PSEN2: variants seen among roughly 807,000 people sequenced by gnomAD.
The protein encoded by PSEN2 is presenilin-2.
PSEN2 carries 32 observed loss-of-function variants against 49.1 expected under a neutral mutation model. The observed-to-expected ratio is 0.65, with a 90% CI of 0.49 to 0.88. The LOEUF (loss-of-function observed/expected upper bound fraction) is 0.88. PSEN2 is among the 40% of genes least tolerant of loss of function. PSEN2 has a pLI of 0.00. For missense variants in PSEN2, 522 were observed against 586.9 expected, an observed-to-expected ratio of 0.89 and a Z score of 1.14; for synonymous variants, 255 against 244.0, an observed-to-expected ratio of 1.05 and a Z score of -0.42.
intron 1 of PSEN2, chr1:226,871,055 T>A (rs1330226174): frequency 4.6e-5 from 7 of 152,296 alleles, no homozygotes; most frequent in Admixed American, 6.5e-5. Flanking sequence ...CTCTGAGGCG[T>A]GTAGCAGGCG....
intron 6 of PSEN2, among the ~76,000 whole-genome samples, chr1:226,887,499 C>T (rs1459340730): frequency 1.3e-5 from 2 of 152,156 alleles, no homozygotes; most frequent in Non-Finnish European, 2.9e-5. Context: ...TTCACTCTCC[C>T]ATCCTTGGCC....
At position 226,884,002 on chromosome 1, in the gene PSEN2, A is replaced by C. The variant is rs12057618; in HGVS notation, c.356+83A>C. 0.011 allele frequency: 13,637 copies of C among 1,201,230 alleles called. 1,096 individuals are homozygous for C. The African/African-American group carries it at 0.18, about 16-fold the overall frequency. The allele number at this position is 1,201,230 out of a possible 1,614,324, so 74.4% of individuals were successfully genotyped here. A position where few individuals can be genotyped will look rare whatever the true frequency, so the allele number is the denominator to read the frequency against. On this transcript the variant is annotated intron_variant, in intron 5 of 12. Transcript: ENST00000366783. ...GGGGGCGCAGCAGCCTGTGTTGGTC[A>C]CTGTACCTGCAGCTCCACACCAGCA...
chr1:226,896,670 G>A (rs543263322), downstream of PSEN2, among the ~76,000 whole-genome samples: 10 of 152,072 alleles, frequency 6.6e-5, no homozygotes, highest in South Asian at 4.2e-4. Flanking sequence ...GAGACCAGCC[G>A]GGGCAACATA....
At chr1:226,883,565 C>A in intron 4 of PSEN2, 140 bp from the exon 5 acceptor site, 1 of 788,076 alleles carries the variant, frequency 1.3e-6, no homozygotes, top group Non-Finnish European at 2.2e-6. Flanking sequence ...TTTTCATATG[C>A]CCTAGTAGCT....
intron 5 of PSEN2, 54 bp downstream of exon 5, chr1:226,883,973 G>C: frequency 1.7e-6 from 2 of 1,197,646 alleles, no homozygotes; most frequent in Middle Eastern, 6.0e-4. Context: ...GTTGCCAGGG[G>C]GTGGGGGGCG....
chr1:226,883,679 G>C (rs753721866), intron 4 of PSEN2, 26 bp from the exon 5 acceptor site: 2 of 1,608,854 alleles, frequency 1.2e-6, no homozygotes. Context: ...GACATTCTGC[G>C]GCCCTCACGA....
At position 226,895,405 on chromosome 1, in the gene PSEN2, T is replaced by G; in HGVS notation, c.1192-19T>G. On this transcript the variant is annotated intron_variant, in intron 12 of 12. Coordinates refer to ENST00000366783, the MANE Select transcript of PSEN2 (RefSeq NM_000447.3). ...ACACCAGGGATCACCACGCTCACCCTCCCCTCCATGTCCTGCAGGGCTTGT... is the reference window on the plus strand; with the variant it reads ...ACACCAGGGATCACCACGCTCACCCGCCCCTCCATGTCCTGCAGGGCTTGT... 6.2e-7 allele frequency: 1 copy of G among 1,613,708 alleles called. No homozygotes were observed. Among genetic ancestry groups the G allele is most frequent in the Non-Finnish European group, 8.5e-7 (1 of 1,179,860 alleles).
chr1:226,884,064 A>G (rs1001984268), intron 5 of PSEN2, 145 bp downstream of exon 5: 18 of 713,050 alleles, frequency 2.5e-5, no homozygotes, highest in Non-Finnish European at 4.2e-5. Flanking sequence ...GCCCAGGTTC[A>G]TGGCCTGGCT....
In PSEN2 at chr1:226,891,263, T is replaced by A. The variant is rs1383319487; in HGVS notation, c.887-15T>A. On this transcript the variant is annotated splice_polypyrimidine_tract_variant and intron_variant, in intron 9 of 12. Transcript: ENST00000366783. ...TTAGCACCGCCTGAGATGTGAACCT[T>A]TTCTCCTCCCCCAGCTGCCATGGTG... is the stretch of plus-strand genomic sequence containing the variant. The A allele has an allele frequency of 6.2e-7, 1 of 1,612,668 alleles. No individual in the cohort carries two copies. Among genetic ancestry groups the A allele is most frequent in the South Asian group, 1.1e-5 (1 of 90,644 alleles).
At chr1:226,892,954 A>C (rs1661859996) in intron 11 of PSEN2, among the ~76,000 whole-genome samples, 1 of 152,194 alleles carries the variant, frequency 6.6e-6, no homozygotes. Context: ...TGTTTTGGAG[A>C]CAGGGTCTCG....
chr1:226,897,678 C>T (rs192567835), downstream of PSEN2: 16 of 155,314 alleles, frequency 1.0e-4, no homozygotes, highest in African/African-American at 3.6e-4. Context: ...TGTATCTCCC[C>T]CGTGTAACCC....
At chr1:226,888,376 C>T (rs533201718) in intron 7 of PSEN2, among the ~76,000 whole-genome samples, 5 of 152,274 alleles carry the variant, frequency 3.3e-5, no homozygotes, top group East Asian at 1.9e-4. Context: ...GTTTCTGTCT[C>T]GTTCCTGATT....
At chr1:226,888,423 C>A (rs1336353140) in intron 7 of PSEN2, among the ~76,000 whole-genome samples, 2 of 152,286 alleles carry the variant, frequency 1.3e-5, no homozygotes, top group Admixed American at 6.5e-5. Flanking sequence ...TCTCTGTGAA[C>A]CCCAGGGGGA....
At chr1:226,892,631 A>T (rs539061345) in intron 11 of PSEN2, among the ~76,000 whole-genome samples, 1 of 152,284 alleles carries the variant, frequency 6.6e-6, no homozygotes, top group Admixed American at 6.5e-5. Context: ...CTAGGGAAAG[A>T]TCACTCTGCG....
intron 3 of PSEN2, chr1:226,880,421 C>T: frequency 9.0e-7 from 1 of 1,108,822 alleles, no homozygotes; most frequent in Admixed American, 3.1e-5. Flanking sequence ...GGGTGACTTA[C>T]TTGGAGACGA....
At chr1:226,880,378 GAAATAA>G (rs1315810496) in intron 3 of PSEN2, 20 of 650,934 alleles carry the variant, frequency 3.1e-5, no homozygotes, top group African/African-American at 7.4e-5. Context: ...CCTGTCTCTA[GAAATAA>G]AAATAAAAAA....
intron 6 of PSEN2, among the ~76,000 whole-genome samples, chr1:226,887,737 G>T (rs947205675): frequency 6.6e-6 from 1 of 152,166 alleles, no homozygotes; most frequent in African/African-American, 2.4e-5. Context: ...CACAATGCCC[G>T]TGGGCAGAGA....
Position 226,889,029 on chromosome 1 carries a change from T to G in PSEN2, c.767T>G (p.Leu256Arg). The change falls in exon 8 of 13, where the codon CTG becomes CGG. Residue 256 changes from leucine to arginine, a missense_variant. Leu to Arg is a moderately radical substitution (Grantham distance 102). Coordinates refer to ENST00000366783, the MANE Select transcript of PSEN2 (RefSeq NM_000447.3). ...CCAGAGTGGTCCGCGTGGGTCATCC[T>G]GGGCGCCATCTCTGTGTATGGTAGG... ...YLPEWSAWVI[L>R]GAISVYDLVA... 6.2e-7 allele frequency: 1 copy of G among 1,613,980 alleles called. No individual in the cohort carries two copies. The highest frequency in any genetic ancestry group is 8.5e-7 in the Non-Finnish European group (1 of 1,179,962).
At chr1:226,879,600 A>G (rs1437789039) in intron 3 of PSEN2, among the ~76,000 whole-genome samples, 2 of 152,086 alleles carry the variant, frequency 1.3e-5, no homozygotes, top group Admixed American at 6.5e-5. Flanking sequence ...TTCCCAACTC[A>G]TATGTTTACT....
Sources: allele counts gnomAD v4.1 joint callset (sites outside exome capture counted in the v4.1 genomes callset), GRCh38; gene constraint gnomAD v4.1.1; transcripts MANE v1.5; gene names NCBI Gene and HGNC (gene_info 2026-07-23, HGNC 2026-07-21).